SMC5: variants seen among roughly 807,000 people sequenced by gnomAD.
SMC5 encodes structural maintenance of chromosomes protein 5.
SMC5 carries 88 observed loss-of-function variants against 148.3 expected under a neutral mutation model. That is an observed-to-expected ratio of 0.59 (90% CI 0.50 to 0.71). SMC5 has a LOEUF of 0.71. Among genes scored for constraint, SMC5 ranks in the 30% least tolerant of loss-of-function variants. The pLI is 0.00. For synonymous variants in SMC5, 421 were observed against 432.8 expected (o/e 0.97, Z 0.34); for missense variants, 1,142 against 1,298.9 (o/e 0.88, Z 1.86).
At chr9:70,290,801 T>A (rs770096167) in intron 8 of SMC5, among the ~76,000 whole-genome samples, 5 of 152,220 alleles carry the variant, frequency 3.3e-5, no homozygotes, top group African/African-American at 4.8e-5. Context: ...ACTCTGAGGC[T>A]TAACCAAATC....
chr9:70,295,236 C>T (rs1032498193), intron 8 of SMC5, among the ~76,000 whole-genome samples: 5 of 151,640 alleles, frequency 3.3e-5, no homozygotes, highest in African/African-American at 7.3e-5. Context: ...GAGGCCAAGG[C>T]GGGCGGATCA....
At chr9:70,272,385 C>T (rs1250214955) in intron 3 of SMC5, among the ~76,000 whole-genome samples, 2 of 152,094 alleles carry the variant, frequency 1.3e-5, no homozygotes, top group African/African-American at 2.4e-5. Context: ...AGGAACTTTT[C>T]GGAATCAAAC....
At chr9:70,339,277 A>C (rs2036448819) in intron 17 of SMC5, among the ~76,000 whole-genome samples, 1 of 151,960 alleles carries the variant, frequency 6.6e-6, no homozygotes, top group African/African-American at 2.4e-5. Context: ...AAAATACAAA[A>C]AATTAGCCGG....
At chr9:70,297,345 C>T (rs1441569915) in intron 8 of SMC5, among the ~76,000 whole-genome samples, 1 of 152,212 alleles carries the variant, frequency 6.6e-6, no homozygotes, top group African/African-American at 2.4e-5. Context: ...TCATTCCTGA[C>T]TCTCTATTTA....
intron 3 of SMC5, among the ~76,000 whole-genome samples, chr9:70,272,359 A>G (rs1055434579): frequency 1.3e-5 from 2 of 152,194 alleles, no homozygotes; most frequent in Non-Finnish European, 2.9e-5. Context: ...GAGATGTTAA[A>G]ATGTTTTTTT....
intron 17 of SMC5, among the ~76,000 whole-genome samples, chr9:70,325,298 C>T (rs1463550045): frequency 6.6e-6 from 1 of 152,138 alleles, no homozygotes; most frequent in Non-Finnish European, 1.5e-5. Context: ...CAACAAAGCC[C>T]AGTCAAATTC....
At chr9:70,287,221 T>G (rs1219372948) in intron 8 of SMC5, among the ~76,000 whole-genome samples, 1 of 152,166 alleles carries the variant, frequency 6.6e-6, no homozygotes, top group Non-Finnish European at 1.5e-5. Context: ...GAATATAAAT[T>G]AAAAGTTTTT....
intron 2 of SMC5, among the ~76,000 whole-genome samples, chr9:70,265,792 G>A (rs947003057): frequency 1.3e-4 from 20 of 152,170 alleles, no homozygotes; most frequent in Non-Finnish European, 2.8e-4. Flanking sequence ...AAACACTGAC[G>A]AAAGTTTTAA....
chr9:70,286,697 T>TA, intron 8 of SMC5: 1 of 152,918 alleles, frequency 6.5e-6, no homozygotes. Context: ...AAAGTATACT[T>TA]AAACTATGGA....
rs72716533 is a variant in SMC5, at chr9:70,342,586, G to A, written c.2398-1558G>A. Among the ~76,000 whole-genome samples the A allele has an allele frequency of 4.4e-3, 676 of 152,148 alleles. 1 individual carries two copies. Among genetic ancestry groups the A allele is most frequent in the South Asian group, 0.017 (82 of 4,812 alleles). On this transcript the variant is annotated intron_variant, in intron 17 of 24. Transcript: ENST00000361138. ...TATTTCTCAGAAATCTGCTAGTTCC[G>A]TAACCTTGGGCAAGTTTCTTAATGT...
At chr9:70,331,145 A>G (rs1406085356) in intron 17 of SMC5, among the ~76,000 whole-genome samples, 1 of 152,226 alleles carries the variant, frequency 6.6e-6, no homozygotes, top group Non-Finnish European at 1.5e-5. Context: ...TCCAGTAGCT[A>G]GGAACAAGTA....
intron 18 of SMC5, among the ~76,000 whole-genome samples, chr9:70,345,068 G>A (rs1349874504): frequency 1.3e-5 from 2 of 152,054 alleles, no homozygotes; most frequent in African/African-American, 4.8e-5. Flanking sequence ...TACATACTAG[G>A]AACTTAGTAG....
chr9:70,316,971 A>G (rs1421455476), intron 13 of SMC5, among the ~76,000 whole-genome samples: 2 of 152,078 alleles, frequency 1.3e-5, no homozygotes, highest in Non-Finnish European at 2.9e-5. Flanking sequence ...TCTCAAACAT[A>G]TCAAATACCT....
intron 10 of SMC5, among the ~76,000 whole-genome samples, chr9:70,303,775 A>G (rs2035424243): frequency 6.6e-6 from 1 of 152,198 alleles, no homozygotes; most frequent in Non-Finnish European, 1.5e-5. Context: ...CGTCTGTCTG[A>G]CCTCAGAGCC....
chr9:70,282,316 C>T, intron 6 of SMC5, 106 bp from the exon 7 acceptor site: 1 of 1,226,582 alleles, frequency 8.2e-7, no homozygotes, highest in Non-Finnish European at 1.1e-6. Flanking sequence ...GTTTTGATAT[C>T]AAAACAATCT....
intron 11 of SMC5, among the ~76,000 whole-genome samples, chr9:70,306,185 T>A (rs1014629149): frequency 6.6e-6 from 1 of 152,334 alleles, no homozygotes; most frequent in South Asian, 2.1e-4. Flanking sequence ...TCCTTTTGCA[T>A]GTCTTCTATT....
intron 12 of SMC5, 58 bp downstream of exon 12, chr9:70,314,894 T>A: frequency 9.3e-7 from 1 of 1,076,616 alleles, no homozygotes; most frequent in Non-Finnish European, 1.3e-6. Context: ...CATTTATTGT[T>A]ACATAAATAA....
chr9:70,267,219 A>G (rs1233972571), intron 2 of SMC5, among the ~76,000 whole-genome samples: 2 of 152,154 alleles, frequency 1.3e-5, no homozygotes, highest in African/African-American at 4.8e-5. Flanking sequence ...CACTATTAAA[A>G]AGATTACTAT....
rs778594902 is a variant in SMC5 at position 70,280,951 on chromosome 9, A to G, written c.819+52A>G. 4 of 1,593,566 alleles carry G rather than the reference A, an allele frequency of 2.5e-6. No individual in the cohort carries two copies. In the South Asian group the frequency reaches 3.4e-5, roughly 13 times the overall value. ...TACGTGTTTCTTTAAGTAGCAGAGT[A>G]ATTATGATGAAAGTATTAGTTACTG... On this transcript the variant is annotated intron_variant, in intron 6 of 24. Coordinates refer to ENST00000361138, the MANE Select transcript of SMC5 (RefSeq NM_015110.4).
Sources: gnomAD v4.1 joint callset for allele counts (sites outside exome capture counted in the v4.1 genomes callset) on GRCh38, gnomAD v4.1.1 for gene constraint, MANE v1.5 for transcripts, NCBI Gene and HGNC (gene_info 2026-07-23, HGNC 2026-07-21) for gene names.